Variants in PBX4 observed in about 807,000 individuals in gnomAD.
The protein encoded by PBX4 is pre-B-cell leukemia transcription factor 4.
Under a neutral mutation model 35.1 loss-of-function variants are expected in PBX4, and 26 were observed. The ratio of observed to expected loss-of-function variants is 0.74; its 90% CI spans 0.54 to 1.03. The LOEUF (loss-of-function observed/expected upper bound fraction) is 1.03, where lower values mean the gene tolerates loss of function less well. Among genes scored for constraint, PBX4 ranks in the 50% least tolerant of loss-of-function variants. PBX4 has a pLI of 0.00. For missense variants in PBX4, 448 were observed against 504.3 expected (o/e 0.89, Z 1.07); for synonymous variants, 199 against 204.2 (o/e 0.97, Z 0.22).
rs145467560 is a variant in PBX4 at position 19,565,009 on chromosome 19, C to T, written c.849G>A (p.Thr283=). 4.3e-5 allele frequency: 70 copies of T among 1,614,202 alleles called. No homozygotes were observed. Among genetic ancestry groups the T allele is most frequent in the African/African-American group, 4.3e-4 (32 of 75,050 alleles). The change falls in exon 6 of 8, where the codon ACG becomes ACA. Residue 283 remains threonine, a synonymous_variant. Transcript: ENST00000251203. ...CCGTGGTATCCACAGCCGTTTTACC[C>T]GTGTAAATGGTAGCCTCTTCTTGAA... ...GKFQEEATIY[T]GKTAVDTTEV... is the part of the protein sequence containing the mutation.
rs544242393 is a variant in PBX4, at chr19:19,589,065, G to A, written c.193+10227C>T. Among the ~76,000 whole-genome samples the A allele has an allele frequency of 2.0e-5, 3 of 152,128 alleles. No homozygotes were observed. The East Asian group carries it at 5.8e-4, about 29-fold the overall frequency. On this transcript the variant is annotated intron_variant, in intron 2 of 7. Coordinates refer to ENST00000251203, the MANE Select transcript of PBX4 (RefSeq NM_025245.3). ...ATCACTTGAGCCCGGGAATTCAAGG[G>A]AGCAGTGAGCTATGATCACACCAGT...
intron 1 of PBX4, among the ~76,000 whole-genome samples, chr19:19,600,141 C>CAAT (rs3066478): frequency 0.43 from 64,896 of 149,328 alleles, 14,382 homozygotes; most frequent in African/African-American, 0.52. Context: ...GACTCTGTCT[C>CAAT]AATAATAATA....
intron 2 of PBX4, among the ~76,000 whole-genome samples, chr19:19,578,581 A>C (rs574316136): frequency 5.3e-5 from 8 of 152,302 alleles, no homozygotes; most frequent in African/African-American, 1.9e-4. Flanking sequence ...TGACATGGGG[A>C]AACAGACTTA....
At chr19:19,594,320 G>A (rs896124973) in intron 2 of PBX4, among the ~76,000 whole-genome samples, 1 of 151,290 alleles carries the variant, frequency 6.6e-6, no homozygotes, top group African/African-American at 2.4e-5. Flanking sequence ...CAGGAAAATT[G>A]CTTGAACCTG....
At chr19:19,575,551 A>G (rs1374054503) in intron 2 of PBX4, among the ~76,000 whole-genome samples, 2 of 152,046 alleles carry the variant, frequency 1.3e-5, no homozygotes, top group Non-Finnish European at 2.9e-5. Context: ...ATTCTGCCTC[A>G]ACAATCAACT....
chr19:19,605,028 T>C (rs890629320), intron 1 of PBX4, among the ~76,000 whole-genome samples: 1 of 152,094 alleles, frequency 6.6e-6, no homozygotes, highest in Non-Finnish European at 1.5e-5. Flanking sequence ...ATAGCTCATC[T>C]TCTGGAAATT....
At chr19:19,595,062 A>G (rs2144762349) in intron 2 of PBX4, among the ~76,000 whole-genome samples, 1 of 152,248 alleles carries the variant, frequency 6.6e-6, no homozygotes, top group South Asian at 2.1e-4. Context: ...ATTATTACTA[A>G]ATTCCAGATG....
At chr19:19,584,623 G>GTTT (rs34113731) in intron 2 of PBX4, among the ~76,000 whole-genome samples, 20 of 132,112 alleles carry the variant, frequency 1.5e-4, no homozygotes, top group Non-Finnish European at 2.0e-4. Flanking sequence ...CCAAGGGCTG[G>GTTT]TTTTTTTTTT....
chr19:19,573,328 T>TACACACAC (rs1387587008), intron 2 of PBX4, among the ~76,000 whole-genome samples: 3,404 of 92,012 alleles, frequency 0.037, 86 homozygotes, highest in East Asian at 0.052. Context: ...AAAAAAAAAA[T>TACACACAC]ATACACACAC....
intron 1 of PBX4, among the ~76,000 whole-genome samples, chr19:19,612,192 G>C (rs761756736): frequency 2.0e-5 from 3 of 152,088 alleles, no homozygotes; most frequent in Admixed American, 1.3e-4. Flanking sequence ...AGGCAGAATT[G>C]CTTGAACCCA....
chr19:19,603,920 C>T (rs1411696367), intron 1 of PBX4, among the ~76,000 whole-genome samples: 1 of 148,206 alleles, frequency 6.7e-6, no homozygotes, highest in African/African-American at 2.5e-5. Flanking sequence ...CGAGAACACG[C>T]CACTGCATCC....
In PBX4 at chr19:19,570,195, G is replaced by A. The variant is rs141893181; in HGVS notation, c.546C>T (p.His182=). 2.0e-5 allele frequency: 32 copies of A among 1,614,004 alleles called. No individual in the cohort carries two copies. In the African/African-American group the frequency reaches 2.3e-4, roughly 11 times the overall value. ...KEIERMVGAI[H]GKFSAIQMQL... ...GCATCTGGATGGCGCTGAACTTGCC[G>A]TGAATGGCGCCGACCATGCGCTCAA... Residue 182 remains histidine (H), a synonymous_variant, in exon 4 of 8, where the codon CAC becomes CAT. Transcript: ENST00000251203.
Position 19,569,591 on chromosome 19 carries a change from A to G in PBX4, c.633-7T>C, listed in dbSNP as rs1350866315. 3.7e-6 allele frequency: 6 copies of G among 1,612,926 alleles called. No individual in the cohort carries two copies. Among genetic ancestry groups the G allele is most frequent in the Non-Finnish European group, 4.2e-6 (5 of 1,179,556 alleles). ...GAAATTCCGCCGCTTGCGCCTGCAAAAACAGCCGCCTTCGTAGGCATTAAT... is the reference window on the plus strand; with the variant it reads ...GAAATTCCGCCGCTTGCGCCTGCAAGAACAGCCGCCTTCGTAGGCATTAAT... On this transcript the variant is annotated splice_polypyrimidine_tract_variant and splice_region_variant and intron_variant, in intron 4 of 7. Coordinates refer to ENST00000251203, the MANE Select transcript of PBX4 (RefSeq NM_025245.3).
At chr19:19,588,445 A>C in intron 2 of PBX4, 1 of 973,482 alleles carries the variant, frequency 1.0e-6, no homozygotes. Flanking sequence ...CCACCACACA[A>C]TTTTTGTATT....
At chr19:19,577,141 GC>G (rs2061424336) in intron 2 of PBX4, among the ~76,000 whole-genome samples, 1 of 149,608 alleles carries the variant, frequency 6.7e-6, no homozygotes, top group South Asian at 2.1e-4. Context: ...GCTGCAGTGG[GC>G]CAAGATTGTG....
rs2061581632 is a variant in PBX4 at position 19,599,317 on chromosome 19, C to T, written c.168G>A (p.Val56=). Residue 56 remains valine (V), a synonymous_variant, in exon 2 of 8, where the codon GTG becomes GTA. Coordinates refer to ENST00000251203, the MANE Select transcript of PBX4 (RefSeq NM_025245.3). The stretch of plus-strand genomic sequence containing the variant: ...CTGTCTTTTCCTTGATCTCACAGAG[C>T]ACGCTGAACAGAGCAGGCTTCATCC... The part of the protein sequence containing the change: ...CHRMKPALFS[V]LCEIKEKTVV... The T allele has an allele frequency of 6.2e-7, 1 of 1,613,282 alleles. No homozygotes were observed. Among genetic ancestry groups the T allele is most frequent in the Non-Finnish European group, 8.5e-7 (1 of 1,179,518 alleles).
At chr19:19,613,060 T>C (rs1438613216) in intron 1 of PBX4, among the ~76,000 whole-genome samples, 1 of 151,774 alleles carries the variant, frequency 6.6e-6, no homozygotes, top group East Asian at 2.0e-4. Flanking sequence ...TGAGCTCAGG[T>C]GATCCTCCTG....
intron 1 of PBX4, among the ~76,000 whole-genome samples, chr19:19,617,887 C>A (rs2061696191): frequency 6.6e-6 from 1 of 152,212 alleles, no homozygotes; most frequent in Non-Finnish European, 1.5e-5. Context: ...ACCCACAGGC[C>A]GGGCTCGGTG....
intron 2 of PBX4, among the ~76,000 whole-genome samples, chr19:19,578,810 G>T (rs187260376): frequency 5.3e-5 from 8 of 152,286 alleles, no homozygotes; most frequent in Admixed American, 2.6e-4. Flanking sequence ...TGGAGGTGAC[G>T]CTTTTAGGAG....
Sources: allele counts gnomAD v4.1 joint callset (sites outside exome capture counted in the v4.1 genomes callset), GRCh38; gene constraint gnomAD v4.1.1; transcripts MANE v1.5; gene names NCBI Gene and HGNC (gene_info 2026-07-23, HGNC 2026-07-21).